The following DIAPH2 variants were observed in gnomAD, a reference collection of about 807,000 sequenced individuals.
DIAPH2 encodes diaphanous related formin 2.
DIAPH2 carries 35 observed loss-of-function variants against 92.7 expected under a neutral mutation model. The ratio of observed to expected loss-of-function variants is 0.38; its 90% CI spans 0.29 to 0.50. The LOEUF (loss-of-function observed/expected upper bound fraction) is 0.50. Among genes scored for constraint, DIAPH2 ranks in the 20% least tolerant of loss-of-function variants. The pLI is 0.94. For missense variants in DIAPH2, 701 were observed against 819.5 expected, an observed-to-expected ratio of 0.86 and a Z score of 1.77; for synonymous variants, 301 against 280.4, an observed-to-expected ratio of 1.07 and a Z score of -0.73.
chrX:97,005,159 G>A (rs2066171559), intron 17 of DIAPH2, among the ~76,000 whole-genome samples: 1 of 111,539 alleles, frequency 9.0e-6, no homozygotes, highest in Non-Finnish European at 1.9e-5. Context: ...CTTGGTCGTG[G>A]TGAATGATTT....
In DIAPH2 at chrX:97,600,924, C is replaced by CTT. The variant is rs1398834975; in HGVS notation, c.*1608_*1609dup. On this transcript the variant is annotated 3_prime_UTR_variant, in exon 27 of 27. Coordinates refer to ENST00000324765, the MANE Select transcript of DIAPH2 (RefSeq NM_006729.5). ...TGCCTTTGCCTCCAGTGCATCCTTA[C>CTT]TTAGGTATTATACTTCTTTAAAAAG... The CTT allele has an allele frequency of 1.8e-5, 2 of 111,466 alleles. No homozygotes were observed. Among genetic ancestry groups the CTT allele is most frequent in the Admixed American group, 9.5e-5 (1 of 10,491 alleles). The allele number at this position is 111,466 out of a possible 1,213,427, so 9.2% of individuals were successfully genotyped here.
At chrX:97,153,998 A>G (rs1317166753) in intron 22 of DIAPH2, among the ~76,000 whole-genome samples, 1 of 112,113 alleles carries the variant, frequency 8.9e-6, no homozygotes, top group Non-Finnish European at 1.9e-5. Flanking sequence ...AATAACTAAT[A>G]AAGATGATAA....
chrX:97,321,473 T>G (rs1156383615), intron 23 of DIAPH2, among the ~76,000 whole-genome samples: 1 of 109,850 alleles, frequency 9.1e-6, no homozygotes, highest in Non-Finnish European at 1.9e-5. Context: ...TGCATTCAGA[T>G]TTACATATAT....
At chrX:97,309,018 CA>C (rs757140696) in intron 23 of DIAPH2, among the ~76,000 whole-genome samples, 2 of 108,190 alleles carry the variant, frequency 1.8e-5, no homozygotes, top group Non-Finnish European at 3.8e-5. Flanking sequence ...AACTCCGTCT[CA>C]AAAAAACAAA....
intron 17 of DIAPH2, among the ~76,000 whole-genome samples, chrX:97,038,276 T>C (rs2066424686): frequency 9.0e-6 from 1 of 111,726 alleles, no homozygotes; most frequent in Non-Finnish European, 1.9e-5. Context: ...GATGGGCACT[T>C]AGGTTGGTTA....
At chrX:96,848,209 T>A (rs895505416) in intron 4 of DIAPH2, among the ~76,000 whole-genome samples, 1 of 110,514 alleles carries the variant, frequency 9.0e-6, no homozygotes, top group Non-Finnish European at 1.9e-5. Context: ...CCAGGCAATT[T>A]AAAAAATTTT....
chrX:97,008,091 T>C, intron 17 of DIAPH2, among the ~76,000 whole-genome samples: 1 of 101,037 alleles, frequency 9.9e-6, no homozygotes, highest in African/African-American at 3.6e-5. Flanking sequence ...CTAGTAGGCA[T>C]GCGTCATTCT....
intron 23 of DIAPH2, among the ~76,000 whole-genome samples, chrX:97,336,638 A>C (rs1013523586): frequency 9.8e-5 from 11 of 111,795 alleles, no homozygotes; most frequent in Non-Finnish European, 1.7e-4. Flanking sequence ...CTCCTTGGAA[A>C]GCAGTAACCT....
chrX:96,751,591 A>G (rs184136749), intron 3 of DIAPH2, among the ~76,000 whole-genome samples: 6,097 of 101,792 alleles, frequency 0.06, 213 homozygotes, highest in Middle Eastern at 0.15. Context: ...AAATAATAAT[A>G]ATAATAAAGA....
At chrX:97,282,445 G>C (rs1289582161) in intron 23 of DIAPH2, among the ~76,000 whole-genome samples, 1 of 111,011 alleles carries the variant, frequency 9.0e-6, no homozygotes, top group Non-Finnish European at 1.9e-5. Flanking sequence ...GAGTAGCTGG[G>C]ATTACAGGCA....
In DIAPH2 at chrX:96,965,180, G is replaced by C. The variant is rs1383658989; in HGVS notation, c.2023G>C (p.Ala675Pro). The change falls in exon 17 of 27, where the codon GCA becomes CCA. Residue 675 changes from alanine to proline, a missense_variant. Transcript: ENST00000324765. Reference protein sequence around the residue: ...FENPDLFAKLALNFATQIKVQ... With the variant: ...FENPDLFAKLPLNFATQIKVQ... ...GAATCCAGATCTCTTTGCCAAATTG[G>C]CATTGAATTTTGCTACTCAGATAAA... is the stretch of plus-strand genomic sequence containing the variant. 1 of 1,189,740 alleles carries C rather than the reference G, an allele frequency of 8.4e-7. No individual in the cohort carries two copies. Among genetic ancestry groups the C allele is most frequent in the Non-Finnish European group, 1.1e-6 (1 of 884,609 alleles).
intron 24 of DIAPH2, among the ~76,000 whole-genome samples, chrX:97,356,500 T>C (rs2069268621): frequency 9.0e-6 from 1 of 111,692 alleles, no homozygotes; most frequent in Non-Finnish European, 1.9e-5. Flanking sequence ...ATGGAAAATA[T>C]ATGGTAACTC....
In DIAPH2 at chrX:97,579,622, T is replaced by G. The variant is rs1214647915; in HGVS notation, c.3242-19631T>G. 2.7e-5 allele frequency among the ~76,000 whole-genome samples: 3 copies of G among 111,173 alleles called. No individual in the cohort carries two copies. The Admixed American group carries it at 2.8e-4, about 11-fold the overall frequency. ...AGTGTGTTGCCTCCAGCTTTGTTCT[T>G]TTGGCTTAGGATTGTCTTGGCGATG... On this transcript the variant is annotated intron_variant, in intron 26 of 26. Coordinates refer to ENST00000324765, the MANE Select transcript of DIAPH2 (RefSeq NM_006729.5).
intron 1 of DIAPH2, among the ~76,000 whole-genome samples, chrX:96,719,989 C>T (rs541547635): frequency 8.9e-6 from 1 of 111,899 alleles, no homozygotes; most frequent in East Asian, 2.8e-4. Context: ...CATGGCTGAA[C>T]GTTAACCAAC....
intron 19 of DIAPH2, among the ~76,000 whole-genome samples, chrX:97,096,636 G>A (rs2066871029): frequency 9.0e-6 from 1 of 111,285 alleles, no homozygotes; most frequent in East Asian, 2.8e-4. Flanking sequence ...AGGGTGTGGG[G>A]TGTTCTCTGG....
At position 97,336,614 on chromosome X, in the gene DIAPH2, C is replaced by T. The variant is rs766764102; in HGVS notation, c.2845-11502C>T. Among the ~76,000 whole-genome samples the T allele has an allele frequency of 2.7e-5, 3 of 111,404 alleles. No homozygotes were observed. In the South Asian group the frequency reaches 1.1e-3, roughly 42 times the overall value. On this transcript the variant is annotated intron_variant, in intron 23 of 26. Transcript: ENST00000324765. ...GTATTTGTTTAATGTATATTTTCCC[C>T]ACTCAACTGACATCTCCTTGGAAAG...
In DIAPH2 at chrX:97,419,805, T is replaced by C. The variant is rs760978911; in HGVS notation, c.3146-9845T>C. Among the ~76,000 whole-genome samples, 3 of 112,339 alleles carry C rather than the reference T, an allele frequency of 2.7e-5. No individual in the cohort carries two copies. In the Admixed American group the frequency reaches 2.8e-4, roughly 11 times the overall value. On this transcript the variant is annotated intron_variant, in intron 25 of 26. Transcript: ENST00000324765. ...CTCCAAAGACATCTTTGTTTTATCT[T>C]TTCAGAGATTAAACTCAGATTACTT...
intron 4 of DIAPH2, among the ~76,000 whole-genome samples, chrX:96,816,343 C>G (rs909252662): frequency 8.9e-6 from 1 of 111,809 alleles, no homozygotes; most frequent in Admixed American, 9.5e-5. Context: ...GGATCAATAC[C>G]TAGAAGTGGG....
At chrX:97,056,061 G>A (rs781033078) in intron 17 of DIAPH2, among the ~76,000 whole-genome samples, 1 of 111,177 alleles carries the variant, frequency 9.0e-6, no homozygotes, top group Non-Finnish European at 1.9e-5. Flanking sequence ...TCAGCTTGAA[G>A]TAGTTTTTTT....
Sources: allele counts gnomAD v4.1 joint callset (sites outside exome capture counted in the v4.1 genomes callset), GRCh38; gene constraint gnomAD v4.1.1; transcripts MANE v1.5; gene names NCBI Gene and HGNC (gene_info 2026-07-23, HGNC 2026-07-21).